TPCN2: variants seen among roughly 807,000 people sequenced by gnomAD.
TPCN2 encodes the protein two pore channel protein 2.
Under a neutral mutation model 111.4 loss-of-function variants are expected in TPCN2, and 92 were observed. That is an observed-to-expected ratio of 0.83 (90% confidence interval 0.70 to 0.98). The LOEUF (loss-of-function observed/expected upper bound fraction) is 0.98. TPCN2 is among the 50% of genes least tolerant of loss of function. The pLI is 0.00. For missense variants in TPCN2, 995 were observed against 980.1 expected (o/e 1.02, Z -0.20); for synonymous variants, 405 against 414.5 (o/e 0.98, Z 0.28).
In TPCN2 at chr11:69,085,857, G is replaced by T; in HGVS notation, c.1930G>T (p.Val644Phe). The change falls in exon 22 of 25, where the codon GTC (valine) becomes TTC (phenylalanine). Residue 644 changes from valine (V) to phenylalanine (F), a missense_variant. Coordinates refer to ENST00000294309, the MANE Select transcript of TPCN2 (RefSeq NM_139075.4). The stretch of plus-strand genomic sequence containing the variant: ...GTCTCTGCCCCCGCAGGCTGCCCTG[G>T]TCACTCTGTGGAACTTGATGGTGGT... ...NNFDDFAAAL[V>F]TLWNLMVVNN... 6.2e-7 allele frequency: 1 copy of T among 1,614,158 alleles called. No homozygotes were observed. Among genetic ancestry groups the T allele is most frequent in the Non-Finnish European group, 8.5e-7 (1 of 1,180,002 alleles).
chr11:69,072,844 TG>T (rs1478123604), intron 12 of TPCN2, 70 bp from the exon 13 acceptor site: 6 of 1,525,350 alleles, frequency 3.9e-6, no homozygotes, highest in Non-Finnish European at 5.4e-6. Flanking sequence ...GGGTTGGGGC[TG>T]GGGGCGCTCA....
At chr11:69,065,260 C>T (rs1227783439) in intron 7 of TPCN2, among the ~76,000 whole-genome samples, 1 of 152,164 alleles carries the variant, frequency 6.6e-6, no homozygotes, top group Non-Finnish European at 1.5e-5. Context: ...CGTCCAGTGA[C>T]CCCTGCAGTA....
At chr11:69,057,458 A>G (rs1022801196) in intron 4 of TPCN2, 120 bp from the exon 5 acceptor site, 12 of 922,770 alleles carry the variant, frequency 1.3e-5, no homozygotes, top group East Asian at 2.4e-5. Flanking sequence ...TGGGGACCAC[A>G]CTGTTGTGGA....
intron 13 of TPCN2, among the ~76,000 whole-genome samples, chr11:69,076,508 A>G (rs1046207409): frequency 3.3e-5 from 5 of 151,756 alleles, no homozygotes; most frequent in Non-Finnish European, 5.9e-5. Context: ...ACTCCGATCC[A>G]CCCCGTAGCA....
chr11:69,073,137 C>T, intron 13 of TPCN2, 136 bp downstream of exon 13: 1 of 648,168 alleles, frequency 1.5e-6, no homozygotes, highest in Non-Finnish European at 2.7e-6. Context: ...AGTATGGGAA[C>T]TGGGAATGGA....
intron 16 of TPCN2, 70 bp downstream of exon 16, chr11:69,079,090 G>T: frequency 6.5e-7 from 1 of 1,531,864 alleles, no homozygotes; most frequent in South Asian, 1.3e-5. Flanking sequence ...CTCTGTGCTG[G>T]CCCATCTCAG....
chr11:69,084,220 C>T (rs1320476941), intron 19 of TPCN2, among the ~76,000 whole-genome samples: 2 of 152,160 alleles, frequency 1.3e-5, no homozygotes, highest in African/African-American at 4.8e-5. Context: ...GCAGGGAGCT[C>T]GGGTGGTGTG....
rs766724247 is a variant in TPCN2, at chr11:69,072,023, C to G, written c.1061C>G (p.Ala354Gly). 1 of 1,611,942 alleles carries G rather than the reference C, an allele frequency of 6.2e-7. No individual in the cohort carries two copies. Among genetic ancestry groups the G allele is most frequent in the Non-Finnish European group, 8.5e-7 (1 of 1,178,594 alleles). ...MVGEGGAFPQ[A>G]VGVKPQNLLQ... ...GGGGAGGGAGGAGCCTTCCCTCAGG[C>G]GTGAGTGCTGGGCATGGACCCTCTT... The change falls in exon 11 of 25, where the codon GCA becomes GGA. Residue 354 changes from alanine (A) to glycine (G), a missense_variant and splice_region_variant. Coordinates refer to ENST00000294309, the MANE Select transcript of TPCN2 (RefSeq NM_139075.4).
chr11:69,071,822 GCC>G (rs1855550673), intron 10 of TPCN2, 99 bp from the exon 11 acceptor site: 3 of 1,119,994 alleles, frequency 2.7e-6, no homozygotes, highest in Non-Finnish European at 4.0e-6. Flanking sequence ...CCCCAAGGCT[GCC>G]CAGACTCCCC....
At chr11:69,080,246 C>T (rs1039655139) in intron 17 of TPCN2, among the ~76,000 whole-genome samples, 6 of 152,364 alleles carry the variant, frequency 3.9e-5, no homozygotes, top group African/African-American at 1.4e-4. Flanking sequence ...CACTGGGATT[C>T]GGCTGGGCCC....
Position 69,085,885 on chromosome 11 carries a change from AC to A in TPCN2, c.1959del (p.Asn653LysfsTer40), listed in dbSNP as rs1856252624. ...ACTCTGTGGAACTTGATGGTGGTGAACAACTGGCAGGTGTTTCTGGATGCAT... is the reference window on the plus strand; with the variant it reads ...ACTCTGTGGAACTTGATGGTGGTGAAAACTGGCAGGTGTTTCTGGATGCAT... Reference protein sequence around the residue: ...LVTLWNLMVVNNWQVFLDAYR... With the variant: ...LVTLWNLMVVXNWQVFLDAYR... On this transcript the variant is annotated frameshift_variant, in exon 22 of 25. Transcript: ENST00000294309. LOFTEE classifies it high-confidence loss of function. 3 of 1,614,140 alleles carry A rather than the reference AC, an allele frequency of 1.9e-6. No individual in the cohort carries two copies. The highest frequency in any genetic ancestry group is 8.5e-7 in the Non-Finnish European group (1 of 1,180,004).
Position 69,083,944 on chromosome 11 carries a change from G to A in TPCN2, c.1690-1G>A. 1 of 1,614,114 alleles carries A rather than the reference G, an allele frequency of 6.2e-7. No homozygotes were observed. Among genetic ancestry groups the A allele is most frequent in the Non-Finnish European group, 8.5e-7 (1 of 1,179,968 alleles). ...GGGCTGTGCTCTCTTCCTGTCCTCA[G>A]CTGATGGCCGTGGTGGCCAGTACCG... is the stretch of plus-strand genomic sequence containing the variant. On this transcript the variant is annotated splice_acceptor_variant, in intron 18 of 24. Transcript: ENST00000294309. LOFTEE classifies it high-confidence loss of function.
intron 13 of TPCN2, among the ~76,000 whole-genome samples, chr11:69,077,157 C>G (rs1590741177): frequency 8.0e-6 from 1 of 125,208 alleles, no homozygotes. Flanking sequence ...TGCCGTGTCC[C>G]TCCACCTGCC....
chr11:69,062,275 G>A (rs1352460973), intron 5 of TPCN2, among the ~76,000 whole-genome samples: 1 of 152,120 alleles, frequency 6.6e-6, no homozygotes, highest in Non-Finnish European at 1.5e-5. Context: ...GCTAGATCCC[G>A]CTTCCAACAC....
At position 69,084,821 on chromosome 11, in the gene TPCN2, A is replaced by G. The variant is rs1027702952; in HGVS notation, c.1762-389A>G. ...GTCTGCCCAGCCCCCTAACTTGCAC[A>G]GCAGAGGAAACTGAGGCCCAGAAAG... On this transcript the variant is annotated intron_variant, in intron 19 of 24. Coordinates refer to ENST00000294309, the MANE Select transcript of TPCN2 (RefSeq NM_139075.4). 30 of 984,736 alleles carry G rather than the reference A, an allele frequency of 3.0e-5. 1 individual carries two copies. In the Admixed American group the frequency reaches 8.6e-4, roughly 28 times the overall value. 61.0% of individuals were successfully genotyped at this position (984,736 alleles called of 1,614,324 possible).
At chr11:69,065,070 G>A (rs1203786939) in intron 7 of TPCN2, among the ~76,000 whole-genome samples, 1 of 151,362 alleles carries the variant, frequency 6.6e-6, no homozygotes, top group Non-Finnish European at 1.5e-5. Context: ...GTCTATGTGT[G>A]CATGCATGGT....
At chr11:69,071,891 G>T (rs746772312) in intron 10 of TPCN2, 32 bp from the exon 11 acceptor site, 6 of 1,599,334 alleles carry the variant, frequency 3.8e-6, no homozygotes, top group Admixed American at 1.7e-5. Context: ...GGGGAGGGCT[G>T]ATCCTGCCGT....
intron 1 of TPCN2, among the ~76,000 whole-genome samples, chr11:69,052,373 G>T (rs1861265866): frequency 6.6e-6 from 1 of 152,160 alleles, no homozygotes; most frequent in South Asian, 2.1e-4. Context: ...AGTCCTGTGT[G>T]CTTGACTTCT....
chr11:69,084,780 T>A, intron 19 of TPCN2: 1 of 985,406 alleles, frequency 1.0e-6, no homozygotes, highest in Non-Finnish European at 1.2e-6. Context: ...GGGAAGAGAA[T>A]CTTGCCTCAG....
Sources: gnomAD v4.1 joint callset for allele counts (sites outside exome capture counted in the v4.1 genomes callset) on GRCh38, gnomAD v4.1.1 for gene constraint, MANE v1.5 for transcripts, NCBI Gene and HGNC (gene_info 2026-07-23, HGNC 2026-07-21) for gene names.